The following DCLRE1C variants were observed in gnomAD, a reference collection of about 807,000 sequenced individuals.
DCLRE1C encodes the protein DNA cross-link repair 1C.
In DCLRE1C, 47 loss-of-function variants were observed where a neutral mutation model predicts 61.4. The ratio of observed to expected loss-of-function variants is 0.77; its 90% CI spans 0.61 to 0.98. The LOEUF is 0.98. Ranked by LOEUF, DCLRE1C falls within the 50% of genes least tolerant of loss-of-function variation. The pLI, the probability that DCLRE1C is intolerant of heterozygous loss-of-function variation, is 0.00. For synonymous variants in DCLRE1C, 337 were observed against 287.6 expected, an observed-to-expected ratio of 1.17 and a Z score of -1.74; for missense variants, 858 against 816.0, an observed-to-expected ratio of 1.05 and a Z score of -0.63.
chr10:14,945,088 A>T lies in DCLRE1C; in HGVS notation c.246+17T>A. The T allele has an allele frequency of 6.3e-7, 1 of 1,590,296 alleles. No homozygotes were observed. On this transcript the variant is annotated intron_variant, in intron 3 of 13. Coordinates refer to ENST00000378278, the MANE Select transcript of DCLRE1C (RefSeq NM_001033855.3). ...CCCACTTAAAAAAAATTAAGTTATT[A>T]AAAAAATAAAACTTACAATTCGTTT...
downstream of DCLRE1C, among the ~76,000 whole-genome samples, chr10:14,901,801 C>T (rs1318979124): frequency 6.6e-6 from 1 of 151,720 alleles, no homozygotes; most frequent in Non-Finnish European, 1.5e-5. Flanking sequence ...CCACTGCACT[C>T]CAGCCTGGAC....
chr10:14,933,915 G>A (rs1564436692), intron 8 of DCLRE1C, among the ~76,000 whole-genome samples: 3 of 152,242 alleles, frequency 2.0e-5, no homozygotes, highest in East Asian at 3.9e-4. Context: ...CAGAGGGCCC[G>A]CGAACCTCTG....
chr10:14,934,467 G>A lies in DCLRE1C; in HGVS notation c.591C>T (p.Ser197=), dbSNP rs1839565322. The change falls in exon 8 of 14, where the codon AGC becomes AGT. Residue 197 remains serine (S), a synonymous_variant. Transcript: ENST00000378278. ...AGTTCAGCCACACAACATGGTACGG[G>A]CTCCGAGTGATCCAGCTTCGGACCA... ...LELVRSWITR[S]PYHVVWLNCK... is the part of the protein sequence containing the mutation. 6.2e-7 allele frequency: 1 copy of A among 1,614,160 alleles called. No individual in the cohort carries two copies. The highest frequency in any genetic ancestry group is 8.5e-7 in the Non-Finnish European group (1 of 1,180,044).
chr10:14,909,359 G>T, intron 13 of DCLRE1C, 29 bp from the exon 14 acceptor site: 12 of 1,605,514 alleles, frequency 7.5e-6, no homozygotes, highest in South Asian at 1.1e-5. Context: ...AGGTTTATAG[G>T]AAACAAGGCA....
chr10:14,944,960 C>T (rs911332298), intron 3 of DCLRE1C, 145 bp downstream of exon 3: 2 of 596,776 alleles, frequency 3.4e-6, no homozygotes, highest in Non-Finnish European at 5.8e-6. Context: ...TAGGTGTAAG[C>T]CACCATGTCC....
intron 9 of DCLRE1C, 132 bp downstream of exon 9, chr10:14,932,722 G>A: frequency 9.8e-7 from 1 of 1,019,004 alleles, no homozygotes; most frequent in Non-Finnish European, 1.5e-6. Flanking sequence ...CCATGACCTT[G>A]AGCTAACAAC....
At chr10:14,933,138 G>A (rs1839306890) in intron 8 of DCLRE1C, among the ~76,000 whole-genome samples, 183 bp from the exon 9 acceptor site, 1 of 152,190 alleles carries the variant, frequency 6.6e-6, no homozygotes, top group East Asian at 1.9e-4. Context: ...GCACAAGGCT[G>A]ACTGGCCAGG....
chr10:14,945,034 T>G, intron 3 of DCLRE1C, 71 bp downstream of exon 3: 1 of 1,218,120 alleles, frequency 8.2e-7, no homozygotes, highest in South Asian at 1.3e-5. Context: ...TGAGGCAAAG[T>G]TTTTGTCAAT....
intron 12 of DCLRE1C, among the ~76,000 whole-genome samples, chr10:14,921,786 C>A (rs1473727262): frequency 6.6e-6 from 1 of 152,162 alleles, no homozygotes. Flanking sequence ...GAATGTGCTG[C>A]CCAGGGTTCT....
rs1442021048 is a variant in DCLRE1C at position 14,904,736 on chromosome 10, T to A, written c.*3672A>T. 1.3e-5 allele frequency among the ~76,000 whole-genome samples: 2 copies of A among 152,214 alleles called. No homozygotes were observed. Among genetic ancestry groups the A allele is most frequent in the Non-Finnish European group, 2.9e-5 (2 of 68,030 alleles). ...TGAAATAATAGAAACTAAAGGATGTTATTAAGGGGTTTAACTATTTTAAGT... is the reference window on the plus strand; with the variant it reads ...TGAAATAATAGAAACTAAAGGATGTAATTAAGGGGTTTAACTATTTTAAGT... On this transcript the variant is annotated 3_prime_UTR_variant, in exon 14 of 14. Coordinates refer to ENST00000378278, the MANE Select transcript of DCLRE1C (RefSeq NM_001033855.3).
rs912941797 is a variant in DCLRE1C at position 14,905,353 on chromosome 10, C to T, written c.*3055G>A. Among the ~76,000 whole-genome samples, 3 of 152,150 alleles carry T rather than the reference C, an allele frequency of 2.0e-5. No homozygotes were observed. The highest frequency in any genetic ancestry group is 2.1e-4 in the South Asian group (1 of 4,832). On this transcript the variant is annotated 3_prime_UTR_variant, in exon 14 of 14. Transcript: ENST00000378278. ...TTTGAGCATTGTCACTCACCAGGTA[C>T]GTAAACATACTATGGTAAGTACTGC...
At chr10:14,897,639 A>G in exon 14 of DCLRE1C, 1 of 890,336 alleles carries the variant, frequency 1.1e-6, no homozygotes, top group Non-Finnish European at 1.5e-6. Context: ...GCAGATATGT[A>G]GAAATTTATT....
chr10:14,910,484 AGT>A (rs1027221683), intron 13 of DCLRE1C, among the ~76,000 whole-genome samples: 16 of 152,258 alleles, frequency 1.1e-4, no homozygotes, highest in South Asian at 2.1e-4. Context: ...TTTTTTAGAC[AGT>A]GTTTCCCCTT....
rs1158587227 is a variant in DCLRE1C, at chr10:14,920,318, G to A, written c.1062-486C>T. 9.8e-6 allele frequency: 9 copies of A among 921,018 alleles called. No homozygotes were observed. The African/African-American group carries it at 1.1e-4, about 11-fold the overall frequency. The allele number at this position is 921,018 out of a possible 1,614,324, so 57.1% of individuals were successfully genotyped here. On this transcript the variant is annotated intron_variant, in intron 12 of 13. Transcript: ENST00000378278. ...GTCATTCTAGGTCCTTAGGCTGAAA[G>A]CTAAGACAAAGTGGAGATAAAATAC...
At chr10:14,929,894 G>A (rs1838682063) in intron 9 of DCLRE1C, among the ~76,000 whole-genome samples, 1 of 151,562 alleles carries the variant, frequency 6.6e-6, no homozygotes, top group Non-Finnish European at 1.5e-5. Context: ...GGACCTACCT[G>A]TTAATATTCT....
At chr10:14,935,428 A>G in intron 6 of DCLRE1C, 35 bp downstream of exon 6, 1 of 1,596,430 alleles carries the variant, frequency 6.3e-7, no homozygotes, top group Non-Finnish European at 8.6e-7. Context: ...CAAAAATAAA[A>G]TAAAATAAAA....
At position 14,932,892 on chromosome 10, in the gene DCLRE1C, C is replaced by A; in HGVS notation, c.742G>T (p.Asp248Tyr). ...MPEILHHLTT[D>Y]RNTQIHACRH... ...CATGCATGGATCTGAGTGTTGCGGT[C>A]TGTTGTGAGATGATGAAGGATCTCA... Residue 248 changes from aspartate (D) to tyrosine (Y), a missense_variant, in exon 9 of 14, where the codon GAC becomes TAC. Asp to Tyr is a radical substitution (Grantham distance 160). This residue lies in a region of DCLRE1C where 843 missense variants were observed against 783.5 expected (regional missense o/e 1.08). Coordinates refer to ENST00000378278, the MANE Select transcript of DCLRE1C (RefSeq NM_001033855.3). 1 of 1,614,180 alleles carries A rather than the reference C, an allele frequency of 6.2e-7. No homozygotes were observed. The highest frequency in any genetic ancestry group is 1.7e-5 in the Admixed American group (1 of 60,016).
intron 9 of DCLRE1C, among the ~76,000 whole-genome samples, chr10:14,931,423 T>C (rs994460347): frequency 4.6e-5 from 7 of 152,034 alleles, no homozygotes; most frequent in African/African-American, 1.7e-4. Context: ...CCAGGTGTGG[T>C]AGCGGGAGCC....
intron 11 of DCLRE1C, among the ~76,000 whole-genome samples, chr10:14,925,991 G>C (rs946184682): frequency 6.6e-6 from 1 of 152,094 alleles, no homozygotes; most frequent in African/African-American, 2.4e-5. Flanking sequence ...TTTATAAGGG[G>C]CTTTTCCCCA....
Sources: gnomAD v4.1 joint callset for allele counts (sites outside exome capture counted in the v4.1 genomes callset) on GRCh38, gnomAD v4.1.1 for gene constraint, gnomAD v4.1.1 regional missense constraint, MANE v1.5 for transcripts, NCBI Gene and HGNC (gene_info 2026-07-23, HGNC 2026-07-21) for gene names.